Variants in INTS12 observed in about 807,000 individuals in gnomAD.
INTS12 encodes the protein integrator complex subunit 12.
In INTS12, 13 loss-of-function variants were observed where a neutral mutation model predicts 41.6. The ratio of observed to expected loss-of-function variants is 0.31; its 90% CI spans 0.20 to 0.50. The LOEUF (loss-of-function observed/expected upper bound fraction) is 0.50. Ranked by LOEUF, INTS12 falls within the 20% of genes least tolerant of loss-of-function variation. The pLI, the probability that INTS12 is intolerant of heterozygous loss-of-function variation, is 0.98. For missense variants in INTS12, 432 were observed against 541.6 expected (o/e 0.80, Z 2.01); for synonymous variants, 199 against 191.4 (o/e 1.04, Z -0.33).
At position 105,695,486 on chromosome 4, in the gene INTS12, T is replaced by A. The variant is rs766201842; in HGVS notation, c.309+30A>T. The A allele has an allele frequency of 1.6e-5, 25 of 1,548,632 alleles. No homozygotes were observed. The South Asian group carries it at 2.9e-4, about 18-fold the overall frequency. On this transcript the variant is annotated intron_variant, in intron 4 of 7. Transcript: ENST00000340139. ...TGCTTATGGAACAACTAATTTACTT[T>A]CTTTTAACAAGATTAAAATAAAATC... is the stretch of plus-strand genomic sequence containing the variant.
At chr4:105,708,214 A>C (rs1167877205) in intron 1 of INTS12, 1 of 985,374 alleles carries the variant, frequency 1.0e-6, no homozygotes, top group Non-Finnish European at 1.2e-6. Context: ...AGTGGCTGAA[A>C]GCTGACAGCA....
At chr4:105,706,727 T>C (rs888849890) in intron 1 of INTS12, among the ~76,000 whole-genome samples, 2 of 152,008 alleles carry the variant, frequency 1.3e-5, no homozygotes, top group Non-Finnish European at 2.9e-5. Flanking sequence ...GACCAAAGTC[T>C]TTCCTTCACT....
At position 105,703,001 on chromosome 4, in the gene INTS12, C is replaced by A. The variant is rs182783757; in HGVS notation, c.-10+647G>T. 675 of 971,080 alleles carry A rather than the reference C, an allele frequency of 7.0e-4. 3 individuals are homozygous for A. The African/African-American group carries it at 0.012, about 17-fold the overall frequency. 60.2% of individuals were successfully genotyped at this position (971,080 alleles called of 1,614,324 possible). Reference sequence around the variant, plus strand: ...TCTACAGCAGTCATAAAGAGGTCAGCAACTTGGTGTAACTGTGTTGATCTA... The same window carrying A: ...TCTACAGCAGTCATAAAGAGGTCAGAAACTTGGTGTAACTGTGTTGATCTA... On this transcript the variant is annotated intron_variant, in intron 2 of 7. Coordinates refer to ENST00000340139, the MANE Select transcript of INTS12 (RefSeq NM_020395.4).
chr4:105,686,927 T>C, intron 6 of INTS12, 89 bp from the exon 7 acceptor site: 1 of 1,122,394 alleles, frequency 8.9e-7, no homozygotes, highest in East Asian at 2.4e-5. Flanking sequence ...ATCACTGAAA[T>C]GAAATACAGT....
intron 3 of INTS12, 167 bp from the exon 4 acceptor site, chr4:105,695,835 T>C (rs567432794): frequency 2.5e-5 from 16 of 636,498 alleles, no homozygotes; most frequent in South Asian, 2.2e-4. Flanking sequence ...ATAATTGATA[T>C]ACAAACTGTA....
At chr4:105,701,474 C>T (rs933173439) in intron 2 of INTS12, among the ~76,000 whole-genome samples, 3 of 152,036 alleles carry the variant, frequency 2.0e-5, no homozygotes, top group South Asian at 4.1e-4. Flanking sequence ...ATATACATCA[C>T]CTCTACATAA....
At chr4:105,692,302 G>A (rs566240264) in intron 5 of INTS12, among the ~76,000 whole-genome samples, 167 bp from the exon 6 acceptor site, 6 of 151,962 alleles carry the variant, frequency 3.9e-5, no homozygotes, top group African/African-American at 1.2e-4. Context: ...TGGCTGACAC[G>A]GTGAAACCCT....
At chr4:105,707,316 A>AT (rs34994709) in intron 1 of INTS12, among the ~76,000 whole-genome samples, 14,565 of 140,674 alleles carry the variant, frequency 0.1, 835 homozygotes, top group Middle Eastern at 0.19. Flanking sequence ...CCCTTGAAGC[A>AT]TTTTTTTTTT....
chr4:105,703,966 T>G (rs141758012), intron 1 of INTS12, among the ~76,000 whole-genome samples, 157 bp from the exon 2 acceptor site: 16 of 152,234 alleles, frequency 1.1e-4, no homozygotes, highest in African/African-American at 3.6e-4. Context: ...ATCCTATCTC[T>G]TCTTGTCCCC....
chr4:105,707,993 T>C (rs1343448257), intron 1 of INTS12: 8 of 985,324 alleles, frequency 8.1e-6, no homozygotes, highest in Non-Finnish European at 9.6e-6. Flanking sequence ...ACTGTTCACA[T>C]AGAGTGCAGT....
Position 105,699,971 on chromosome 4 carries a change from A to G in INTS12, c.35T>C (p.Ile12Thr), listed in dbSNP as rs148493396. ...AATVNLELDP[I>T]FLKALGFLHS... is the part of the protein sequence containing the mutation. Reference sequence around the variant, plus strand: ...CAAGAAACCTAGTGCTTTCAAAAAAATGGGATCAAGTTCCAAGTTCACAGT... The same window carrying G: ...CAAGAAACCTAGTGCTTTCAAAAAAGTGGGATCAAGTTCCAAGTTCACAGT... The change falls in exon 3 of 8, where the codon ATT becomes ACT. Residue 12 changes from isoleucine (I) to threonine (T), a missense_variant. By Grantham distance (89) the Ile-to-Thr change is moderately conservative. This residue lies in a region of INTS12 where 168 missense variants were observed against 198.9 expected (regional missense o/e 0.84). Coordinates refer to ENST00000340139, the MANE Select transcript of INTS12 (RefSeq NM_020395.4). 100 of 1,541,482 alleles carry G rather than the reference A, an allele frequency of 6.5e-5. No individual in the cohort carries two copies. Among genetic ancestry groups the G allele is most frequent in the Non-Finnish European group, 8.4e-5 (95 of 1,129,488 alleles).
intron 7 of INTS12, among the ~76,000 whole-genome samples, chr4:105,684,810 T>C (rs1437698327): frequency 6.6e-6 from 1 of 152,080 alleles, no homozygotes; most frequent in African/African-American, 2.4e-5. Flanking sequence ...AACATAAAAC[T>C]GTCTGCCATA....
At chr4:105,701,974 A>T (rs1247244290) in intron 2 of INTS12, among the ~76,000 whole-genome samples, 2 of 152,148 alleles carry the variant, frequency 1.3e-5, no homozygotes, top group African/African-American at 4.8e-5. Context: ...TTCCAGTTGG[A>T]ACCTTGGAGT....
At chr4:105,688,723 C>T (rs1430899146) in intron 6 of INTS12, among the ~76,000 whole-genome samples, 1 of 152,204 alleles carries the variant, frequency 6.6e-6, no homozygotes. Flanking sequence ...AGGTTAGACT[C>T]TGAGGACCCA....
intron 7 of INTS12, among the ~76,000 whole-genome samples, chr4:105,684,031 C>T (rs1731418560): frequency 6.6e-6 from 1 of 152,116 alleles, no homozygotes; most frequent in African/African-American, 2.4e-5. Context: ...GTCTCCTGCT[C>T]CTTTAATAAG....
rs1396625399 is a variant in INTS12 at position 105,682,966 on chromosome 4, C to A, written c.1156G>T (p.Gly386Cys). The change falls in exon 8 of 8, where the codon GGT (glycine) becomes TGT (cysteine). Residue 386 changes from glycine to cysteine, a missense_variant. Around this residue, in one of 3 missense-constraint regions of INTS12, gnomAD observed 258 missense variants for 309.9 expected, o/e 0.83. Transcript: ENST00000340139. ...SVSCDNVSKVGLPSPSSLVPG... is the reference protein window; with the variant it reads ...SVSCDNVSKVCLPSPSSLVPG... ...ACTAAACTACTTGGACTAGGAAGAC[C>A]TACTTTGCTGACATTGTCACAACTA... 5.6e-6 allele frequency: 9 copies of A among 1,613,982 alleles called. No individual in the cohort carries two copies. In the East Asian group the frequency reaches 1.8e-4, roughly 32 times the overall value.
In INTS12 at chr4:105,693,301, AC is replaced by A; in HGVS notation, c.494del (p.Cys165LeufsTer4). On this transcript the variant is annotated frameshift_variant, in exon 5 of 8. Coordinates refer to ENST00000340139, the MANE Select transcript of INTS12 (RefSeq NM_020395.4). LOFTEE classifies it high-confidence loss of function. ...AMEMGLACVV[C>X]RQMMVASGNQ... ...ATCTGTGGCAAGGTACAACTTACCT[AC>A]AAACAACGCAGGCCAATCCCATCTC... The A allele has an allele frequency of 1.3e-6, 2 of 1,584,724 alleles. No homozygotes were observed. Among genetic ancestry groups the A allele is most frequent in the Non-Finnish European group, 1.7e-6 (2 of 1,159,168 alleles).
intron 2 of INTS12, among the ~76,000 whole-genome samples, chr4:105,700,609 T>A (rs1270218789): frequency 1.3e-5 from 2 of 151,304 alleles, no homozygotes; most frequent in Admixed American, 6.6e-5. Context: ...AACATATTAA[T>A]GATAACCTTA....
intron 7 of INTS12, among the ~76,000 whole-genome samples, chr4:105,684,959 T>C (rs1277557465): frequency 6.6e-6 from 1 of 152,120 alleles, no homozygotes; most frequent in Non-Finnish European, 1.5e-5. Flanking sequence ...TGTTGCTTAG[T>C]ATTGCTTTTC....
Sources: gnomAD v4.1 joint callset for allele counts (sites outside exome capture counted in the v4.1 genomes callset) on GRCh38, gnomAD v4.1.1 for gene constraint, gnomAD v4.1.1 regional missense constraint, MANE v1.5 for transcripts, NCBI Gene and HGNC (gene_info 2026-07-23, HGNC 2026-07-21) for gene names.